The following INTU variants were observed in gnomAD, a reference collection of about 807,000 sequenced individuals.
The protein encoded by INTU is inturned planar cell polarity protein.
Under a neutral mutation model 100.5 loss-of-function variants are expected in INTU, and 68 were observed. That is an observed-to-expected ratio of 0.68 (90% CI 0.56 to 0.83). The LOEUF is 0.83. Ranked by LOEUF, INTU falls within the 40% of genes least tolerant of loss-of-function variation. INTU has a pLI of 0.00. For missense variants in INTU, 1,071 were observed against 1,114.7 expected (o/e 0.96, Z 0.56); for synonymous variants, 357 against 395.7 (o/e 0.90, Z 1.16).
intron 5 of INTU, among the ~76,000 whole-genome samples, chr4:127,670,448 CTGTT>C (rs1218986956): frequency 2.0e-5 from 3 of 151,848 alleles, no homozygotes; most frequent in Non-Finnish European, 2.9e-5. Context: ...TATATACAAA[CTGTT>C]AGTTTATTTT....
chr4:127,666,965 A>C (rs1174469157), intron 4 of INTU, among the ~76,000 whole-genome samples: 1 of 152,164 alleles, frequency 6.6e-6, no homozygotes, highest in Non-Finnish European at 1.5e-5. Flanking sequence ...ATTTACTTAG[A>C]CACATTTTTT....
At chr4:127,696,534 T>C (rs542641557) in intron 8 of INTU, among the ~76,000 whole-genome samples, 1 of 149,980 alleles carries the variant, frequency 6.7e-6, no homozygotes, top group Admixed American at 6.7e-5. Flanking sequence ...GCCCCCCCCC[T>C]TTCATTTCTG....
intron 6 of INTU, among the ~76,000 whole-genome samples, chr4:127,680,498 A>G (rs1729479679): frequency 8.2e-6 from 1 of 121,484 alleles, no homozygotes. Flanking sequence ...AGCCAAAGAC[A>G]AAAACCACAT....
chr4:127,665,316 A>G (rs1343887190), intron 4 of INTU, among the ~76,000 whole-genome samples: 1 of 151,138 alleles, frequency 6.6e-6, no homozygotes, highest in African/African-American at 2.4e-5. Context: ...TATTTCATAC[A>G]GCTGTACCTA....
At chr4:127,663,650 CT>C in intron 4 of INTU, 66 bp downstream of exon 4, 1 of 1,259,040 alleles carries the variant, frequency 7.9e-7, no homozygotes, top group Non-Finnish European at 1.1e-6. Context: ...AAGTAAGGAC[CT>C]TTTATCGTAT....
intron 2 of INTU, among the ~76,000 whole-genome samples, chr4:127,653,952 A>C (rs1266140838): frequency 6.6e-6 from 1 of 151,580 alleles, no homozygotes; most frequent in Non-Finnish European, 1.5e-5. Context: ...CTTCTTGTTG[A>C]ATTGATCCCT....
intron 3 of INTU, among the ~76,000 whole-genome samples, chr4:127,659,917 A>T (rs1015030966): frequency 3.9e-5 from 6 of 152,256 alleles, no homozygotes; most frequent in African/African-American, 1.4e-4. Context: ...CACAGAAATG[A>T]TACATATACT....
At chr4:127,675,389 A>G (rs1729128608) in intron 6 of INTU, among the ~76,000 whole-genome samples, 1 of 152,228 alleles carries the variant, frequency 6.6e-6, no homozygotes, top group South Asian at 2.1e-4. Context: ...CTGAACGTGA[A>G]TATGACTATT....
chr4:127,674,147 A>G lies in INTU; in HGVS notation c.1115A>G (p.Lys372Arg), dbSNP rs1729064476. 1 of 1,612,136 alleles carries G rather than the reference A, an allele frequency of 6.2e-7. No homozygotes were observed. Among genetic ancestry groups the G allele is most frequent in the Non-Finnish European group, 8.5e-7 (1 of 1,179,078 alleles). ...AGTTCATCCCTCCTTTTAAATGGAA[A>G]ACAAATTCATGTGGCTTATTGGAAA... is the stretch of plus-strand genomic sequence containing the variant. ...VTSSSLLLNG[K>R]QIHVAYWKES... Residue 372 changes from lysine to arginine, a missense_variant, in exon 6 of 16, where the codon AAA becomes AGA. Physicochemically the swap from Lys to Arg is conservative, Grantham distance 26. Coordinates refer to ENST00000335251, the MANE Select transcript of INTU (RefSeq NM_015693.4).
chr4:127,665,085 G>A (rs866992911), intron 4 of INTU, among the ~76,000 whole-genome samples: 7 of 151,020 alleles, frequency 4.6e-5, no homozygotes, highest in African/African-American at 1.7e-4. Context: ...ATACACCTTA[G>A]TTTCAGTTAC....
At chr4:127,654,976 T>A (rs1728110412) in intron 2 of INTU, among the ~76,000 whole-genome samples, 1 of 151,162 alleles carries the variant, frequency 6.6e-6, no homozygotes, top group Non-Finnish European at 1.5e-5. Context: ...ATTCATTTCA[T>A]CTTCCATTGC....
At chr4:127,685,506 A>G (rs1354733812) in intron 7 of INTU, 1 of 455,046 alleles carries the variant, frequency 2.2e-6, no homozygotes, top group African/African-American at 2.0e-5. Context: ...AGTGTTCTCT[A>G]GAGGAACTGC....
At chr4:127,638,107 ATTG>A (rs1294437688) in intron 1 of INTU, among the ~76,000 whole-genome samples, 1 of 152,242 alleles carries the variant, frequency 6.6e-6, no homozygotes, top group East Asian at 1.9e-4. Context: ...AAAATCAGAT[ATTG>A]TTGGTAGACA....
At position 127,726,475 on chromosome 4, in the gene INTU, C is replaced by G. The variant is rs894717841; in HGVS notation, c.*10039C>G. 2.6e-5 allele frequency: 4 copies of G among 152,092 alleles called. No homozygotes were observed. The highest frequency in any genetic ancestry group is 9.7e-5 in the African/African-American group (4 of 41,404). The allele number at this position is 152,092 out of a possible 1,614,324, so 9.4% of individuals were successfully genotyped here. A position where few individuals can be genotyped will look rare whatever the true frequency, so the allele number is the denominator to read the frequency against. ...ATTAAATATCCATTGGTTGAAAAAC[C>G]AAGTAGTCAGCTAAATCATACCTGC... On this transcript the variant is annotated 3_prime_UTR_variant, in exon 16 of 16. Coordinates refer to ENST00000335251, the MANE Select transcript of INTU (RefSeq NM_015693.4).
intron 2 of INTU, among the ~76,000 whole-genome samples, chr4:127,651,994 G>C (rs1727906302): frequency 6.7e-6 from 1 of 148,208 alleles, no homozygotes. Context: ...GTGAATGGGA[G>C]TTCACTCATG....
intron 14 of INTU, among the ~76,000 whole-genome samples, chr4:127,713,625 T>G (rs1731165107): frequency 6.6e-6 from 1 of 152,180 alleles, no homozygotes; most frequent in African/African-American, 2.4e-5. Context: ...GGAAAAAAGC[T>G]TATAATTTTC....
chr4:127,682,519 C>G (rs1186081911), intron 6 of INTU, among the ~76,000 whole-genome samples: 1 of 146,126 alleles, frequency 6.8e-6, no homozygotes, highest in Non-Finnish European at 1.5e-5. Context: ...ACCGCATATT[C>G]TCACTCATAG....
At chr4:127,659,997 G>A (rs1175943186) in intron 3 of INTU, among the ~76,000 whole-genome samples, 1 of 152,116 alleles carries the variant, frequency 6.6e-6, no homozygotes, top group Non-Finnish European at 1.5e-5. Context: ...GAACCCAGAA[G>A]TAACCATTTA....
rs1730877113 is a variant in INTU, at chr4:127,706,353, G to A, written c.1789-134G>A. 3 of 737,602 alleles carry A rather than the reference G, an allele frequency of 4.1e-6. No individual in the cohort carries two copies. The South Asian group carries it at 6.4e-5, about 16-fold the overall frequency. The allele number at this position is 737,602 out of a possible 1,614,324, so 45.7% of individuals were successfully genotyped here. A position where few individuals can be genotyped will look rare whatever the true frequency, so the allele number is the denominator to read the frequency against. ...ATAACCAAAAAGGAAAGATGACGGAGGAATTTTTAATAATCATCACATGAT... is the reference window on the plus strand; with the variant it reads ...ATAACCAAAAAGGAAAGATGACGGAAGAATTTTTAATAATCATCACATGAT... On this transcript the variant is annotated intron_variant, in intron 11 of 15. Transcript: ENST00000335251.
Sources: gnomAD v4.1 joint callset for allele counts (sites outside exome capture counted in the v4.1 genomes callset) on GRCh38, gnomAD v4.1.1 for gene constraint, MANE v1.5 for transcripts, NCBI Gene and HGNC (gene_info 2026-07-23, HGNC 2026-07-21) for gene names.